TMTC2: variants seen among roughly 807,000 people sequenced by gnomAD.
TMTC2 encodes the protein protein O-mannosyl-transferase TMTC2.
TMTC2 carries 43 observed loss-of-function variants against 82.4 expected under a neutral mutation model. The ratio of observed to expected loss-of-function variants is 0.52; its 90% confidence interval spans 0.41 to 0.67. The LOEUF (loss-of-function observed/expected upper bound fraction) is 0.67. Ranked by LOEUF, TMTC2 falls within the 30% of genes least tolerant of loss-of-function variation. TMTC2 has a pLI of 0.00. For missense variants in TMTC2, 919 were observed against 1,012.4 expected, an observed-to-expected ratio of 0.91 and a Z score of 1.25; for synonymous variants, 408 against 381.9, an observed-to-expected ratio of 1.07 and a Z score of -0.80.
At chr12:82,967,132 T>C (rs142199847) in intron 7 of TMTC2, 135 bp downstream of exon 7, 494 of 670,168 alleles carry the variant, frequency 7.4e-4, no homozygotes, top group Non-Finnish European at 1.1e-3. Flanking sequence ...TCTGGCATCA[T>C]ACTCAAATTC....
At chr12:82,759,247 T>G (rs1176554880) in intron 1 of TMTC2, 1 of 152,200 alleles carries the variant, frequency 6.6e-6, no homozygotes, top group Admixed American at 6.6e-5. Context: ...CTCTAGTGTG[T>G]ATTAAAACAG....
intron 1 of TMTC2, among the ~76,000 whole-genome samples, chr12:82,814,731 A>G (rs1357487245): frequency 1.3e-5 from 2 of 152,192 alleles, no homozygotes; most frequent in African/African-American, 4.8e-5. Context: ...AGAAGTGGTA[A>G]CTGAAAATCA....
At chr12:82,804,620 C>G (rs545595400) in intron 1 of TMTC2, among the ~76,000 whole-genome samples, 1 of 151,974 alleles carries the variant, frequency 6.6e-6, no homozygotes, top group East Asian at 1.9e-4. Context: ...GGGCTTTCTA[C>G]AAAAGCCTCA....
intron 9 of TMTC2, among the ~76,000 whole-genome samples, chr12:83,049,165 T>TTACACATGCATGA (rs1399668226): frequency 6.6e-6 from 1 of 152,180 alleles, no homozygotes; most frequent in Non-Finnish European, 1.5e-5. Flanking sequence ...CACGTACAGG[T>TTACACATGCATGA]TACACATGCA....
chr12:82,727,811 G>T (rs986702902), intron 1 of TMTC2, among the ~76,000 whole-genome samples: 4 of 147,448 alleles, frequency 2.7e-5, no homozygotes, highest in Non-Finnish European at 5.9e-5. Flanking sequence ...CCACTAGAAA[G>T]TATTACCAAT....
At chr12:83,072,496 T>C (rs748162760) in intron 11 of TMTC2, among the ~76,000 whole-genome samples, 32 of 152,280 alleles carry the variant, frequency 2.1e-4, no homozygotes, top group Non-Finnish European at 3.4e-4. Context: ...GGATGTAATG[T>C]TCTGTATATA....
chr12:82,998,172 CA>C (rs1879748064), intron 8 of TMTC2, among the ~76,000 whole-genome samples: 1 of 152,130 alleles, frequency 6.6e-6, no homozygotes, highest in Admixed American at 6.6e-5. Context: ...CAGTGTTTAG[CA>C]TTGGAAAACT....
Position 83,132,303 on chromosome 12 carries a change from A to G in TMTC2, c.2425A>G (p.Lys809Glu), listed in dbSNP as rs1257196875. The G allele has an allele frequency of 6.2e-7, 1 of 1,613,934 alleles. No homozygotes were observed. Among genetic ancestry groups the G allele is most frequent in the Non-Finnish European group, 8.5e-7 (1 of 1,179,970 alleles). Reference protein sequence around the residue: ...EANYLRALQLKPDDVITQSNL... With the variant: ...EANYLRALQLEPDDVITQSNL... ...CAACTACCTGCGGGCCCTGCAGCTC[A>G]AGCCAGACGATGTCATCACACAGTC... The change falls in exon 12 of 12, where the codon AAG becomes GAG. Residue 809 changes from lysine (K) to glutamate (E), a missense_variant. Lys to Glu is a moderately conservative substitution (Grantham distance 56, BLOSUM62 1). Coordinates refer to ENST00000321196, the MANE Select transcript of TMTC2 (RefSeq NM_152588.3).
At chr12:82,924,504 G>A (rs900439194) in intron 3 of TMTC2, among the ~76,000 whole-genome samples, 1 of 152,128 alleles carries the variant, frequency 6.6e-6, no homozygotes, top group African/African-American at 2.4e-5. Context: ...AATTGTGTGT[G>A]TACAACAGGA....
At chr12:83,071,377 T>C (rs1275480646) in intron 11 of TMTC2, among the ~76,000 whole-genome samples, 1 of 152,096 alleles carries the variant, frequency 6.6e-6, no homozygotes, top group Non-Finnish European at 1.5e-5. Flanking sequence ...CAGGATGGTC[T>C]CAATCTCCTG....
In TMTC2 at chr12:82,930,474, T is replaced by G. The variant is rs202059167; in HGVS notation, c.1527T>G (p.Ile509Met). Reference sequence around the variant, plus strand: ...ATGTTCTGAAGAGTCAGAGCAAAATTTCTGAAGCTGAAAGCGCCTATAGAA... The same window carrying G: ...ATGTTCTGAAGAGTCAGAGCAAAATGTCTGAAGCTGAAAGCGCCTATAGAA... The part of the protein sequence containing the change: ...LGNVLKSQSK[I>M]SEAESAYRNA... The change falls in exon 4 of 12, where the codon ATT becomes ATG. Residue 509 changes from isoleucine (I) to methionine (M), a missense_variant. Coordinates refer to ENST00000321196, the MANE Select transcript of TMTC2 (RefSeq NM_152588.3). 23 of 1,604,612 alleles carry G rather than the reference T, an allele frequency of 1.4e-5. No individual in the cohort carries two copies. In the East Asian group the frequency reaches 5.2e-4, roughly 36 times the overall value.
At chr12:82,927,755 C>A (rs1201688436) in intron 3 of TMTC2, among the ~76,000 whole-genome samples, 1 of 152,202 alleles carries the variant, frequency 6.6e-6, no homozygotes, top group Non-Finnish European at 1.5e-5. Context: ...AGCGTTGAGG[C>A]AAGACCCTCC....
chr12:82,913,120 T>G (rs997390162), intron 3 of TMTC2, among the ~76,000 whole-genome samples: 2 of 152,208 alleles, frequency 1.3e-5, no homozygotes, highest in African/African-American at 2.4e-5. Flanking sequence ...AATTTAAAAT[T>G]ACTTTTTGTT....
intron 11 of TMTC2, among the ~76,000 whole-genome samples, chr12:83,080,059 TACA>T (rs1883411355): frequency 1.3e-5 from 2 of 152,184 alleles, no homozygotes; most frequent in Admixed American, 1.3e-4. Context: ...CATTGCATAG[TACA>T]ACATTATCAT....
intron 3 of TMTC2, among the ~76,000 whole-genome samples, chr12:82,913,821 G>A (rs761308577): frequency 6.6e-6 from 1 of 152,106 alleles, no homozygotes; most frequent in Non-Finnish European, 1.5e-5. Flanking sequence ...TATATGTGGA[G>A]GATTGGTTCC....
intron 8 of TMTC2, among the ~76,000 whole-genome samples, chr12:83,014,701 A>G (rs1312131631): frequency 7.0e-6 from 1 of 143,244 alleles, no homozygotes; most frequent in East Asian, 2.1e-4. Context: ...AAATAGATTT[A>G]GGTATAAAAG....
chr12:82,782,922 T>C (rs988396915), intron 1 of TMTC2, among the ~76,000 whole-genome samples: 3 of 152,148 alleles, frequency 2.0e-5, no homozygotes, highest in Non-Finnish European at 2.9e-5. Context: ...AGACAAGATA[T>C]GGAGTTTATA....
At chr12:82,730,322 C>T (rs1874725192) in intron 1 of TMTC2, among the ~76,000 whole-genome samples, 1 of 142,014 alleles carries the variant, frequency 7.0e-6, no homozygotes, top group Admixed American at 7.0e-5. Context: ...AAAAAGCAGA[C>T]CCTACCTCAT....
Position 82,965,019 on chromosome 12 carries a change from T to C in TMTC2, c.1599-5T>C. The C allele has an allele frequency of 6.2e-7, 1 of 1,608,164 alleles. No individual in the cohort carries two copies. The highest frequency in any genetic ancestry group is 8.5e-7 in the Non-Finnish European group (1 of 1,176,960). ...TTTCTCTAAATTTCTGTTTTCCTCA[T>C]GCAGAGGGCTACTTCTCCAGGAGAA... On this transcript the variant is annotated splice_polypyrimidine_tract_variant and splice_region_variant and intron_variant, in intron 4 of 11. Coordinates refer to ENST00000321196, the MANE Select transcript of TMTC2 (RefSeq NM_152588.3).
Sources: allele counts gnomAD v4.1 joint callset (sites outside exome capture counted in the v4.1 genomes callset), GRCh38; gene constraint gnomAD v4.1.1; transcripts MANE v1.5; gene names NCBI Gene and HGNC (gene_info 2026-07-23, HGNC 2026-07-21).